Variants in GAS7 observed in about 807,000 individuals in gnomAD.
GAS7 encodes the protein growth arrest specific 7.
In GAS7, 28 loss-of-function variants were observed where a neutral mutation model predicts 71.1. The observed-to-expected ratio is 0.39, with a 90% CI of 0.29 to 0.54. The LOEUF (loss-of-function observed/expected upper bound fraction) is 0.54, where lower values mean the gene tolerates loss of function less well. GAS7 is among the 20% of genes least tolerant of loss of function. The pLI is 0.62. For synonymous variants in GAS7, 258 were observed against 245.8 expected (o/e 1.05, Z -0.46); for missense variants, 436 against 627.8 (o/e 0.69, Z 3.27).
Position 10,024,133 on chromosome 17 carries a change from G to T in GAS7, c.184-4236C>A, listed in dbSNP as rs7218882. ...AGTGAGACTCTGTTTCAAAAATAAA[G>T]AAAAAATAAAAAAATAAAAAAACTT... is the stretch of plus-strand genomic sequence containing the variant. On this transcript the variant is annotated intron_variant, in intron 1 of 13. Coordinates refer to ENST00000432992, the MANE Select transcript of GAS7 (RefSeq NM_201433.2). 4.2e-3 allele frequency among the ~76,000 whole-genome samples: 636 copies of T among 151,788 alleles called. 2 individuals carry two copies. Among genetic ancestry groups the T allele is most frequent in the African/African-American group, 0.015 (601 of 41,428 alleles).
intron 11 of GAS7, among the ~76,000 whole-genome samples, chr17:9,923,909 T>C (rs2067907342): frequency 6.6e-6 from 1 of 152,180 alleles, no homozygotes; most frequent in Non-Finnish European, 1.5e-5. Context: ...CAAATTTGGG[T>C]ACAATCATAC....
intron 7 of GAS7, among the ~76,000 whole-genome samples, chr17:9,940,983 G>A (rs2068581398): frequency 6.6e-6 from 1 of 152,224 alleles, no homozygotes; most frequent in Non-Finnish European, 1.5e-5. Flanking sequence ...AGGCTTCGGA[G>A]AGCCCCTGGT....
chr17:9,989,237 T>C (rs1306447631), intron 2 of GAS7, among the ~76,000 whole-genome samples: 1 of 152,158 alleles, frequency 6.6e-6, no homozygotes, highest in Non-Finnish European at 1.5e-5. Flanking sequence ...ACACTCACCG[T>C]GTCTGAGCTC....
intron 1 of GAS7, among the ~76,000 whole-genome samples, chr17:10,050,059 A>G (rs2073041901): frequency 6.6e-6 from 1 of 152,214 alleles, no homozygotes; most frequent in Non-Finnish European, 1.5e-5. Context: ...TATATTTTCC[A>G]TGTTTTCTAT....
chr17:10,112,514 T>C (rs1198356762), intron 1 of GAS7, among the ~76,000 whole-genome samples: 1 of 152,104 alleles, frequency 6.6e-6, no homozygotes, highest in Non-Finnish European at 1.5e-5. Flanking sequence ...GGTGGGTGGA[T>C]CACCTGAGGT....
At chr17:9,958,968 C>A (rs2069363172) in intron 5 of GAS7, 5 of 1,408,700 alleles carry the variant, frequency 3.5e-6, no homozygotes, top group African/African-American at 1.4e-5. Context: ...ATCATCCCAG[C>A]CATCCTCCTT....
At chr17:10,158,326 C>CT (rs1200612373) in intron 1 of GAS7, among the ~76,000 whole-genome samples, 1 of 63,502 alleles carries the variant, frequency 1.6e-5, no homozygotes, top group Admixed American at 1.8e-4. Context: ...CCTGTTTTTT[C>CT]TTTTTTTGGT....
chr17:10,001,324 T>C (rs1048263579), intron 2 of GAS7, among the ~76,000 whole-genome samples: 8 of 152,050 alleles, frequency 5.3e-5, no homozygotes, highest in African/African-American at 1.9e-4. Flanking sequence ...ATCCTACTTA[T>C]AAACGTAATA....
At chr17:10,024,342 T>C (rs1462079374) in intron 1 of GAS7, among the ~76,000 whole-genome samples, 1 of 152,180 alleles carries the variant, frequency 6.6e-6, no homozygotes, top group Non-Finnish European at 1.5e-5. Context: ...CTCAATCTTA[T>C]TCTTCTAATT....
At chr17:10,101,470 C>T (rs960242982) in intron 1 of GAS7, among the ~76,000 whole-genome samples, 1 of 152,252 alleles carries the variant, frequency 6.6e-6, no homozygotes, top group Non-Finnish European at 1.5e-5. Flanking sequence ...GTCCCGCCCA[C>T]ACTCAAGGGG....
intron 2 of GAS7, among the ~76,000 whole-genome samples, chr17:9,997,804 C>T (rs924125517): frequency 4.6e-5 from 7 of 152,244 alleles, no homozygotes; most frequent in African/African-American, 1.4e-4. Context: ...CTCACGGAAA[C>T]GCTTTACTAA....
intron 5 of GAS7, among the ~76,000 whole-genome samples, chr17:9,949,470 C>T (rs912661507): frequency 3.9e-5 from 6 of 152,212 alleles, no homozygotes; most frequent in African/African-American, 1.4e-4. Flanking sequence ...CCCGTTGTGA[C>T]CTCTGGTTCA....
chr17:9,967,797 G>A (rs759995320), intron 4 of GAS7, among the ~76,000 whole-genome samples: 7 of 152,150 alleles, frequency 4.6e-5, no homozygotes, highest in Non-Finnish European at 8.8e-5. Context: ...TAAATAATGT[G>A]TGAGTGAATA....
intron 3 of GAS7, among the ~76,000 whole-genome samples, chr17:9,977,063 T>C (rs1403813229): frequency 6.6e-6 from 1 of 152,250 alleles, no homozygotes; most frequent in Non-Finnish European, 1.5e-5. Context: ...TAATGCACGA[T>C]GTCAATTTCA....
chr17:10,181,150 A>G (rs2074412353), intron 1 of GAS7, among the ~76,000 whole-genome samples: 1 of 146,630 alleles, frequency 6.8e-6, no homozygotes, highest in Non-Finnish European at 1.5e-5. Context: ...TCACGAGGTC[A>G]GGAGATCGAG....
chr17:10,085,719 A>C (rs143342031), intron 1 of GAS7, among the ~76,000 whole-genome samples: 1,521 of 149,336 alleles, frequency 0.01, 19 homozygotes, highest in African/African-American at 0.035. Flanking sequence ...AGAAAGAAAG[A>C]AAGAAAGAAA....
intron 3 of GAS7, among the ~76,000 whole-genome samples, chr17:9,972,790 C>T (rs773234757): frequency 1.3e-4 from 20 of 152,092 alleles, no homozygotes; most frequent in Non-Finnish European, 2.1e-4. Flanking sequence ...CTCCTAAACA[C>T]TTAGAAATGT....
intron 2 of GAS7, among the ~76,000 whole-genome samples, chr17:9,982,154 G>A (rs922073829): frequency 1.2e-4 from 19 of 152,074 alleles, no homozygotes; most frequent in African/African-American, 4.6e-4. Flanking sequence ...GAAGGAGATG[G>A]ACTTCCTGTT....
chr17:10,056,724 GCTCCCT>G (rs1314992676), intron 1 of GAS7, among the ~76,000 whole-genome samples: 6 of 151,736 alleles, frequency 4.0e-5, no homozygotes, highest in Non-Finnish European at 8.8e-5. Context: ...ACAAAAATTA[GCTCCCT>G]CTCCCTCTCC....
Sources: allele counts gnomAD v4.1 joint callset (sites outside exome capture counted in the v4.1 genomes callset), GRCh38; gene constraint gnomAD v4.1.1; transcripts MANE v1.5; gene names NCBI Gene and HGNC (gene_info 2026-07-23, HGNC 2026-07-21).